CYB5R3: variants seen among roughly 807,000 people sequenced by gnomAD.
CYB5R3 encodes the protein NADH-cytochrome b5 reductase 3.
A neutral mutation model predicts 36.5 loss-of-function variants in CYB5R3; 28 were observed. The ratio of observed to expected loss-of-function variants is 0.77; its 90% CI spans 0.57 to 1.05. CYB5R3 has a LOEUF of 1.05. Among genes scored for constraint, CYB5R3 ranks in the 50% least tolerant of loss-of-function variants. CYB5R3 has a pLI of 0.00. For missense variants in CYB5R3, 474 were observed against 408.9 expected, an observed-to-expected ratio of 1.16 and a Z score of -1.37; for synonymous variants, 181 against 159.8, an observed-to-expected ratio of 1.13 and a Z score of -1.00.
intron 7 of CYB5R3, among the ~76,000 whole-genome samples, chr22:42,625,263 T>C (rs2146871273): frequency 6.6e-6 from 1 of 152,186 alleles, no homozygotes; most frequent in South Asian, 2.1e-4. Flanking sequence ...TCTCAGCACT[T>C]TGGGAGGCTG....
intron 1 of CYB5R3, among the ~76,000 whole-genome samples, chr22:42,641,271 AG>A (rs1160881741): frequency 7.9e-5 from 12 of 152,204 alleles, no homozygotes; most frequent in African/African-American, 2.9e-4. Context: ...ATAGTATATT[AG>A]TAGGAAAGTT....
At position 42,631,456 on chromosome 22, in the gene CYB5R3, G is replaced by C; in HGVS notation, c.154-6C>G. ...CGGGTGTCATGGCTGATGATCTGGA[G>C]AGAGGCCCAAAGCTGCTGAACGGTC... is the stretch of plus-strand genomic sequence containing the variant. On this transcript the variant is annotated splice_region_variant and splice_polypyrimidine_tract_variant and intron_variant, in intron 2 of 8. Coordinates refer to ENST00000352397, the MANE Select transcript of CYB5R3 (RefSeq NM_000398.7). The C allele has an allele frequency of 6.4e-7, 1 of 1,551,606 alleles. No individual in the cohort carries two copies. Among genetic ancestry groups the C allele is most frequent in the Non-Finnish European group, 8.7e-7 (1 of 1,146,960 alleles).
intron 8 of CYB5R3, among the ~76,000 whole-genome samples, chr22:42,622,094 G>T (rs1014036036): frequency 2.0e-5 from 3 of 151,964 alleles, no homozygotes; most frequent in African/African-American, 4.8e-5. Context: ...GCTAATTTTT[G>T]TATTTTTAGT....
chr22:42,622,902 T>C (rs567630982), intron 8 of CYB5R3, among the ~76,000 whole-genome samples: 4 of 152,194 alleles, frequency 2.6e-5, no homozygotes, highest in Admixed American at 6.5e-5. Flanking sequence ...AAATGGTGCT[T>C]CCAACACTTA....
Position 42,631,374 on chromosome 22 carries a change from T to C in CYB5R3, c.226+4A>G. 6.4e-7 allele frequency: 1 copy of C among 1,551,318 alleles called. No individual in the cohort carries two copies. The highest frequency in any genetic ancestry group is 8.7e-7 in the Non-Finnish European group (1 of 1,146,880). On this transcript the variant is annotated splice_donor_region_variant and intron_variant, in intron 3 of 8. Coordinates refer to ENST00000352397, the MANE Select transcript of CYB5R3 (RefSeq NM_000398.7). ...CGAATGGGCCCAGCAGGGGCGTGAC[T>C]CACCGACAGGGAGGCCCAGGATGTG...
At chr22:42,643,059 G>T (rs1184320685) in intron 1 of CYB5R3, among the ~76,000 whole-genome samples, 1 of 152,178 alleles carries the variant, frequency 6.6e-6, no homozygotes, top group Non-Finnish European at 1.5e-5. Flanking sequence ...AGTATATCCT[G>T]CAGAACACAG....
At chr22:42,630,253 C>T (rs1466196360) in intron 4 of CYB5R3, among the ~76,000 whole-genome samples, 5 of 152,148 alleles carry the variant, frequency 3.3e-5, no homozygotes, top group Non-Finnish European at 7.3e-5. Flanking sequence ...CGCAGCAGAC[C>T]CCAGAAAGCC....
chr22:42,623,500 G>A (rs531456716), intron 8 of CYB5R3, among the ~76,000 whole-genome samples: 1 of 152,334 alleles, frequency 6.6e-6, no homozygotes, highest in Non-Finnish European at 1.5e-5. Flanking sequence ...GCCCAGGGAG[G>A]GGACGCTGGC....
Position 42,621,982 on chromosome 22 carries a change from G to A in CYB5R3, c.733+1807C>T, listed in dbSNP as rs532594317. On this transcript the variant is annotated intron_variant, in intron 8 of 8. Transcript: ENST00000352397. Reference sequence around the variant, plus strand: ...CTCTATCGCCAGGCTGGAGTGCAGTGGCACCATCTCGGCTCATTGCAACCT... The same window carrying A: ...CTCTATCGCCAGGCTGGAGTGCAGTAGCACCATCTCGGCTCATTGCAACCT... Among the ~76,000 whole-genome samples, 12 of 152,374 alleles carry A rather than the reference G, an allele frequency of 7.9e-5. No homozygotes were observed. In the East Asian group the frequency reaches 1.5e-3, roughly 20 times the overall value.
intron 1 of CYB5R3, among the ~76,000 whole-genome samples, chr22:42,644,807 G>A (rs1353774982): frequency 6.6e-6 from 1 of 152,170 alleles, no homozygotes; most frequent in East Asian, 1.9e-4. Flanking sequence ...GGTGCTCCCT[G>A]GAGTTCTGTT....
intron 1 of CYB5R3, among the ~76,000 whole-genome samples, chr22:42,645,339 G>T (rs1006745177): frequency 1.3e-5 from 2 of 152,200 alleles, no homozygotes; most frequent in Non-Finnish European, 1.5e-5. Context: ...ATTTTGCCTA[G>T]AAGTTTCCAG....
chr22:42,638,133 C>T (rs909768894), intron 1 of CYB5R3, among the ~76,000 whole-genome samples: 2 of 151,814 alleles, frequency 1.3e-5, no homozygotes, highest in African/African-American at 2.4e-5. Flanking sequence ...CAGTGGCTCA[C>T]GCCTATAATC....
intron 1 of CYB5R3, 40 bp from the exon 2 acceptor site, chr22:42,636,886 C>G (rs916782826): frequency 6.2e-7 from 1 of 1,605,040 alleles, no homozygotes; most frequent in Non-Finnish European, 8.5e-7. Flanking sequence ...CAGGAGCCTG[C>G]CTTTCCCCAA....
intron 1 of CYB5R3, among the ~76,000 whole-genome samples, chr22:42,644,078 C>A (rs547986918): frequency 6.6e-6 from 1 of 152,238 alleles, no homozygotes; most frequent in South Asian, 2.1e-4. Context: ...TGTTATCTAT[C>A]CCTCAGATAG....
chr22:42,646,569 CAGGCCCGG>C, intron 1 of CYB5R3: 1 of 859,954 alleles, frequency 1.2e-6, no homozygotes, highest in Non-Finnish European at 1.4e-6. Context: ...CCCGACCTGG[CAGGCCCGG>C]TCCTCCCCAG....
intron 5 of CYB5R3, 90 bp from the exon 6 acceptor site, chr22:42,627,778 C>T: frequency 1.0e-6 from 1 of 984,280 alleles, no homozygotes; most frequent in Non-Finnish European, 1.6e-6. Flanking sequence ...GAACCTGCCC[C>T]CACTGTGAGG....
At position 42,619,866 on chromosome 22, in the gene CYB5R3, C is replaced by T; in HGVS notation, c.813G>A (p.Val271=). The T allele has an allele frequency of 6.2e-7, 1 of 1,607,704 alleles. No homozygotes were observed. The highest frequency in any genetic ancestry group is 8.5e-7 in the Non-Finnish European group (1 of 1,177,674). The part of the protein sequence containing the change: ...HLPPPEEEPL[V]LMCGPPPMIQ... ...TCATGGGTGGGGGGCCACACATCAG[C>T]ACCAGCGGCTCCTCCTCTGGGGGTG... Residue 271 remains valine (V), a synonymous_variant, in exon 9 of 9, where the codon GTG becomes GTA. Coordinates refer to ENST00000352397, the MANE Select transcript of CYB5R3 (RefSeq NM_000398.7).
chr22:42,646,284 C>T (rs1929533577), intron 1 of CYB5R3, among the ~76,000 whole-genome samples: 1 of 152,192 alleles, frequency 6.6e-6, no homozygotes, highest in Non-Finnish European at 1.5e-5. Flanking sequence ...CCTCCCAGCC[C>T]CTGACCTAAT....
chr22:42,640,417 C>T (rs948845644), intron 1 of CYB5R3: 3 of 572,528 alleles, frequency 5.2e-6, no homozygotes, highest in Non-Finnish European at 7.3e-6. Flanking sequence ...CTCACTCTAT[C>T]ACCCAGGCTG....
Sources: gnomAD v4.1 joint callset for allele counts (sites outside exome capture counted in the v4.1 genomes callset) on GRCh38, gnomAD v4.1.1 for gene constraint, MANE v1.5 for transcripts, NCBI Gene and HGNC (gene_info 2026-07-23, HGNC 2026-07-21) for gene names.